Variants in ADAMTS9 observed in about 807,000 individuals in gnomAD.
ADAMTS9 encodes ADAM metallopeptidase with thrombospondin type 1 motif 9.
In ADAMTS9, 107 loss-of-function variants were observed where a neutral mutation model predicts 257.1. The ratio of observed to expected loss-of-function variants is 0.42; its 90% confidence interval spans 0.36 to 0.49. The LOEUF (loss-of-function observed/expected upper bound fraction) is 0.49. ADAMTS9 is among the 20% of genes least tolerant of loss of function. The pLI, the probability that ADAMTS9 is intolerant of heterozygous loss-of-function variation, is 0.03. For missense variants in ADAMTS9, 2,353 were observed against 2,469.1 expected (o/e 0.95, Z 1.00); for synonymous variants, 982 against 880.9 (o/e 1.11, Z -2.03).
rs80303166 is a variant in ADAMTS9 at position 64,675,929 on chromosome 3, A to T, written c.679+5272T>A. 3.9e-5 allele frequency among the ~76,000 whole-genome samples: 6 copies of T among 152,310 alleles called. 1 individual carries two copies. The highest frequency in any genetic ancestry group is 1.3e-4 in the Admixed American group (2 of 15,298). Reference sequence around the variant, plus strand: ...AGCCTAACAGATGATGGCTTTAATTATCATCTTATGTTTTCCAGCCTTTAT... The same window carrying T: ...AGCCTAACAGATGATGGCTTTAATTTTCATCTTATGTTTTCCAGCCTTTAT... On this transcript the variant is annotated intron_variant, in intron 3 of 39. Coordinates refer to ENST00000498707, the MANE Select transcript of ADAMTS9 (RefSeq NM_182920.2).
chr3:64,552,758 C>T (rs947806175), intron 30 of ADAMTS9, among the ~76,000 whole-genome samples: 8 of 152,066 alleles, frequency 5.3e-5, no homozygotes, highest in Non-Finnish European at 8.8e-5. Flanking sequence ...AGTCTCACTA[C>T]GTTGCCCAGT....
At chr3:64,591,680 T>C (rs1427125494) in intron 28 of ADAMTS9, among the ~76,000 whole-genome samples, 1 of 152,144 alleles carries the variant, frequency 6.6e-6, no homozygotes, top group Non-Finnish European at 1.5e-5. Flanking sequence ...GATTTGGGGT[T>C]TCTTTCCTAA....
intron 3 of ADAMTS9, 62 bp from the exon 4 acceptor site, chr3:64,658,853 T>A: frequency 6.7e-7 from 1 of 1,497,526 alleles, no homozygotes; most frequent in Non-Finnish European, 9.0e-7. Context: ...ATTAAGAATT[T>A]AATTTGACAC....
chr3:64,539,053 G>C lies in ADAMTS9; in HGVS notation c.5613+150C>G, dbSNP rs963121749. On this transcript the variant is annotated intron_variant, in intron 37 of 39. Coordinates refer to ENST00000498707, the MANE Select transcript of ADAMTS9 (RefSeq NM_182920.2). ...AGCTGAATTACGAGATTAGACTCCA[G>C]AGCATTTGAGAGGGTCTTGATACAT... is the stretch of plus-strand genomic sequence containing the variant. 10 of 707,060 alleles carry C rather than the reference G, an allele frequency of 1.4e-5. No homozygotes were observed. The African/African-American group carries it at 1.8e-4, about 12-fold the overall frequency. 43.8% of individuals were successfully genotyped at this position (707,060 alleles called of 1,614,324 possible).
intron 37 of ADAMTS9, among the ~76,000 whole-genome samples, chr3:64,538,695 G>C (rs1480981684): frequency 6.6e-6 from 1 of 152,106 alleles, no homozygotes; most frequent in Non-Finnish European, 1.5e-5. Flanking sequence ...GCACGTGCTT[G>C]AACTGGCTTT....
At chr3:64,541,006 C>T (rs1345086415) in intron 36 of ADAMTS9, 89 bp downstream of exon 36, 2 of 1,544,886 alleles carry the variant, frequency 1.3e-6, no homozygotes, top group Non-Finnish European at 1.8e-6. Context: ...GCAATACGCA[C>T]CTCCCTGCTA....
rs771925930 is a variant in ADAMTS9 at position 64,594,418 on chromosome 3, C to T, written c.4196G>A (p.Gly1399Asp). 3 of 1,613,964 alleles carry T rather than the reference C, an allele frequency of 1.9e-6. No individual in the cohort carries two copies. Among genetic ancestry groups the T allele is most frequent in the Middle Eastern group, 3.3e-4 (2 of 6,056 alleles). Residue 1399 changes from glycine to aspartate, a missense_variant, in exon 28 of 40, where the codon GGT (glycine) becomes GAT (aspartate). By Grantham distance (94) the Gly-to-Asp change is moderately conservative. Transcript: ENST00000498707. ...CACCAGTCTTGTTCTTATGCCTCCACCACACAGCTTAGTGCACTGGAAGAA... is the reference window on the plus strand; with the variant it reads ...CACCAGTCTTGTTCTTATGCCTCCATCACACAGCTTAGTGCACTGGAAGAA... ...GNWGECTKLC[G>D]GGIRTRLVVC...
At position 64,597,000 on chromosome 3, in the gene ADAMTS9, A is replaced by G. The variant is rs560854337; in HGVS notation, c.4018-9T>C. 5 of 1,613,592 alleles carry G rather than the reference A, an allele frequency of 3.1e-6. No homozygotes were observed. In the East Asian group the frequency reaches 8.9e-5, roughly 29 times the overall value. ...GCACAGGTACTGGAACACTAAACAC[A>G]TCAGTCGACAAGTTAATCCCCACCT... On this transcript the variant is annotated splice_polypyrimidine_tract_variant and intron_variant, in intron 26 of 39. Transcript: ENST00000498707.
In ADAMTS9 at chr3:64,534,878, G is replaced by A. The variant is rs145719173; in HGVS notation, c.5614-1608C>T. On this transcript the variant is annotated intron_variant, in intron 37 of 39. Coordinates refer to ENST00000498707, the MANE Select transcript of ADAMTS9 (RefSeq NM_182920.2). The stretch of plus-strand genomic sequence containing the variant: ...CCCACAATAGAGAATTCTCCAGCCC[G>A]AAAAGTGCTGAGGCTGATTGAAAAC... 3.7e-4 allele frequency among the ~76,000 whole-genome samples: 56 copies of A among 152,244 alleles called. 4 individuals are homozygous for A. The highest frequency in any genetic ancestry group is 2.4e-3 in the Admixed American group (36 of 15,296).
chr3:64,663,212 A>G (rs1021470844), intron 3 of ADAMTS9, among the ~76,000 whole-genome samples: 2 of 152,134 alleles, frequency 1.3e-5, no homozygotes, highest in Non-Finnish European at 2.9e-5. Context: ...TGGATATACC[A>G]AAGAATCATT....
At chr3:64,621,944 C>T (rs996954936) in intron 18 of ADAMTS9, among the ~76,000 whole-genome samples, 3 of 151,740 alleles carry the variant, frequency 2.0e-5, no homozygotes, top group Non-Finnish European at 2.9e-5. Flanking sequence ...ATTACAATGG[C>T]GGAGGTGATT....
intron 26 of ADAMTS9, among the ~76,000 whole-genome samples, chr3:64,599,577 G>GAC (rs1320907629): frequency 1.3e-5 from 2 of 152,132 alleles, no homozygotes; most frequent in Admixed American, 6.5e-5. Flanking sequence ...TATCAATTAA[G>GAC]ACACTCTGCC....
At chr3:64,669,500 T>C (rs537994346) in intron 3 of ADAMTS9, among the ~76,000 whole-genome samples, 1 of 152,320 alleles carries the variant, frequency 6.6e-6, no homozygotes, top group East Asian at 1.9e-4. Context: ...TTGATCCTCT[T>C]ATCCATAAAG....
chr3:64,588,766 C>G (rs920279935), intron 28 of ADAMTS9: 8 of 152,144 alleles, frequency 5.3e-5, no homozygotes, highest in African/African-American at 1.9e-4. Context: ...CAGGATCAGT[C>G]TTTCATAGGC....
Position 64,686,946 on chromosome 3 carries a change from G to C in ADAMTS9, c.138C>G (p.Ser46Arg). 1.9e-6 allele frequency: 3 copies of C among 1,613,996 alleles called. No individual in the cohort carries two copies. The South Asian group carries it at 3.3e-5, about 18-fold the overall frequency. Residue 46 changes from serine to arginine, a missense_variant, in exon 2 of 40, where the codon AGC becomes AGG. Physicochemically the swap from Ser to Arg is moderately radical, Grantham distance 110 (BLOSUM62 -1). Coordinates refer to ENST00000498707, the MANE Select transcript of ADAMTS9 (RefSeq NM_182920.2). This position sits in a 1 kb window ranked among gnomAD's most constrained non-coding sequence, Gnocchi z 4.6. ...PRQVKLLETLSEYEIVSPIRV... is the reference protein window; with the variant it reads ...PRQVKLLETLREYEIVSPIRV... ...GGATGGGAGACACGATTTCGTATTC[G>C]CTCAGGGTCTCTAATAATTTCACTG...
chr3:64,539,337 T>C, intron 36 of ADAMTS9, 43 bp from the exon 37 acceptor site: 1 of 1,532,740 alleles, frequency 6.5e-7, no homozygotes, highest in Non-Finnish European at 9.0e-7. Flanking sequence ...AAGGTAAGAG[T>C]GGGAGAAAGG....
At chr3:64,519,508 C>T (rs770690552) in intron 39 of ADAMTS9, among the ~76,000 whole-genome samples, 4 of 152,106 alleles carry the variant, frequency 2.6e-5, no homozygotes, top group Non-Finnish European at 5.9e-5. Context: ...AAGAAAACTA[C>T]AGACTAATAT....
intron 28 of ADAMTS9, chr3:64,590,165 T>A (rs2084234414): frequency 6.6e-6 from 1 of 152,186 alleles, no homozygotes; most frequent in African/African-American, 2.4e-5. Flanking sequence ...AAGCCTCATA[T>A]ATTTTTGTTT....
At chr3:64,661,253 T>C (rs184300182) in intron 3 of ADAMTS9, among the ~76,000 whole-genome samples, 1 of 152,344 alleles carries the variant, frequency 6.6e-6, no homozygotes, top group Non-Finnish European at 1.5e-5. Context: ...CACTCATATA[T>C]GTATACCAAT....
Sources: gnomAD v4.1 joint callset for allele counts (sites outside exome capture counted in the v4.1 genomes callset) on GRCh38, gnomAD v4.1.1 for gene constraint, Gnocchi (gnomAD v3.1) non-coding constraint, MANE v1.5 for transcripts, NCBI Gene and HGNC (gene_info 2026-07-23, HGNC 2026-07-21) for gene names.